ABL1: variants seen among roughly 807,000 people sequenced by gnomAD.
ABL1 encodes tyrosine-protein kinase ABL1.
Under a neutral mutation model 94.7 loss-of-function variants are expected in ABL1, and 11 were observed. The ratio of observed to expected loss-of-function variants is 0.12; its 90% CI spans 0.07 to 0.19. ABL1 has a LOEUF of 0.19. Among genes scored for constraint, ABL1 ranks in the 10% least tolerant of loss-of-function variants. The pLI is 1.00. For missense variants in ABL1, 1,082 were observed against 1,489.4 expected (o/e 0.73, Z 4.50); for synonymous variants, 656 against 622.4 (o/e 1.05, Z -0.80).
intron 1 of ABL1, among the ~76,000 whole-genome samples, chr9:130,765,212 G>A (rs1280328235): frequency 6.6e-6 from 1 of 152,072 alleles, no homozygotes; most frequent in Non-Finnish European, 1.5e-5. Flanking sequence ...GCTATTTTTG[G>A]GCGAGGAGGT....
intron 3 of ABL1, among the ~76,000 whole-genome samples, chr9:130,857,365 C>T (rs10901294): frequency 0.084 from 12,779 of 152,256 alleles, 692 homozygotes; most frequent in African/African-American, 0.14. Flanking sequence ...GTAAAAACAC[C>T]TTTGTCACTC....
chr9:130,760,369 T>C (rs1832095445), intron 1 of ABL1, among the ~76,000 whole-genome samples: 1 of 152,132 alleles, frequency 6.6e-6, no homozygotes. Context: ...GAAGCTACTG[T>C]CCCCCTGATC....
chr9:130,724,013 T>A (rs1831547477), intron 1 of ABL1, among the ~76,000 whole-genome samples: 1 of 152,120 alleles, frequency 6.6e-6, no homozygotes, highest in Non-Finnish European at 1.5e-5. Flanking sequence ...GGTTTCACCA[T>A]CTTAGCCAGT....
intron 1 of ABL1, among the ~76,000 whole-genome samples, chr9:130,740,850 A>G (rs1831807969): frequency 7.2e-6 from 1 of 138,694 alleles, no homozygotes; most frequent in Non-Finnish European, 1.5e-5. Flanking sequence ...TTTGTAGAGA[A>G]GGGTCTCACT....
In ABL1 at chr9:130,885,873, C is replaced by A; in HGVS notation, c.*190C>A. The A allele has an allele frequency of 1.4e-6, 1 of 697,688 alleles. No homozygotes were observed. Among genetic ancestry groups the A allele is most frequent in the Non-Finnish European group, 2.3e-6 (1 of 432,996 alleles). 43.2% of individuals were successfully genotyped at this position (697,688 alleles called of 1,614,324 possible). On this transcript the variant is annotated 3_prime_UTR_variant, in exon 11 of 11. Transcript: ENST00000318560. ...CCTACGTTTGCACCGCCTGCCCTCC[C>A]GCACCTTCCTCCTCCCCGCTCCGTC...
intron 1 of ABL1, among the ~76,000 whole-genome samples, chr9:130,843,889 G>GC (rs1830717168): frequency 6.6e-6 from 1 of 152,112 alleles, no homozygotes; most frequent in Non-Finnish European, 1.5e-5. Flanking sequence ...GAAGAGCCTG[G>GC]CATGCCTGCT....
At chr9:130,852,884 A>G (rs955659952) in intron 1 of ABL1, among the ~76,000 whole-genome samples, 7 of 152,210 alleles carry the variant, frequency 4.6e-5, no homozygotes, top group Non-Finnish European at 8.8e-5. Flanking sequence ...AATTTACAGA[A>G]GAACATATTT....
rs71389347 is a variant in ABL1, at chr9:130,753,422, CTTTTTTTT to C, written c.136+38981_136+38988del. On this transcript the variant is annotated intron_variant, in intron 1 of 10. Coordinates refer to the ABL1 transcript ENST00000372348. ...CTCATCTCTTCTTTTTTTTTCTTTTCTTTTTTTTTTTTTTTTTTTTTGAGATGGAGTCT... is the reference window on the plus strand; with the variant it reads ...CTCATCTCTTCTTTTTTTTTCTTTTCTTTTTTTTTTTTTGAGATGGAGTCT... Among the ~76,000 whole-genome samples, 372 of 90,346 alleles carry C rather than the reference CTTTTTTTT, an allele frequency of 4.1e-3. 7 individuals are homozygous for C. The highest frequency in any genetic ancestry group is 0.035 in the East Asian group (87 of 2,452). 59.3% of individuals were successfully genotyped at this position (90,346 alleles called of 152,430 possible). A position where few individuals can be genotyped will look rare whatever the true frequency, so the allele number is the denominator to read the frequency against.
intron 4 of ABL1, among the ~76,000 whole-genome samples, chr9:130,866,122 C>T (rs1407117055): frequency 6.6e-6 from 1 of 152,118 alleles, no homozygotes. Flanking sequence ...CCAAGCCTTT[C>T]AGTTAAGGGA....
At chr9:130,852,339 A>G (rs1430734303) in intron 1 of ABL1, among the ~76,000 whole-genome samples, 1 of 152,032 alleles carries the variant, frequency 6.6e-6, no homozygotes, top group Non-Finnish European at 1.5e-5. Flanking sequence ...AGTAGCTGGA[A>G]CTACAGGCGC....
In ABL1 at chr9:130,884,984, C is replaced by G; in HGVS notation, c.2694C>G (p.Ala898=). The G allele has an allele frequency of 6.2e-7, 1 of 1,610,978 alleles. No homozygotes were observed. The highest frequency in any genetic ancestry group is 8.5e-7 in the Non-Finnish European group (1 of 1,179,308). The part of the protein sequence containing the change: ...DKGKLSRLKP[A]PPPPPAASAG... Reference sequence around the variant, plus strand: ...GGAAATTGTCCAGGCTCAAACCTGCCCCGCCGCCCCCACCAGCAGCCTCTG... The same window carrying G: ...GGAAATTGTCCAGGCTCAAACCTGCGCCGCCGCCCCCACCAGCAGCCTCTG... Residue 898 remains alanine, a synonymous_variant, in exon 11 of 11, where the codon GCC becomes GCG. Coordinates refer to ENST00000318560, the MANE Select transcript of ABL1 (RefSeq NM_005157.6). This position sits in a 1 kb window ranked among gnomAD's most constrained non-coding sequence, Gnocchi z 5.6.
At position 130,878,060 on chromosome 9, in the gene ABL1, G is replaced by A. The variant is rs187822215; in HGVS notation, c.1271-355G>A. On this transcript the variant is annotated intron_variant, in intron 7 of 10. Transcript: ENST00000318560. Reference sequence around the variant, plus strand: ...AATCTCCTGACCTCGTGATCCGCCCGCCTCGGCCTCCCAAAGTGCTGGGAT... The same window carrying A: ...AATCTCCTGACCTCGTGATCCGCCCACCTCGGCCTCCCAAAGTGCTGGGAT... 1.3e-3 allele frequency among the ~76,000 whole-genome samples: 203 copies of A among 152,198 alleles called. 4 individuals are homozygous for A. In the East Asian group the frequency reaches 0.025, roughly 19 times the overall value.
intron 1 of ABL1, among the ~76,000 whole-genome samples, chr9:130,747,883 C>T (rs1025613203): frequency 6.6e-6 from 1 of 152,152 alleles, no homozygotes; most frequent in Non-Finnish European, 1.5e-5. Context: ...TTTGGAGGCC[C>T]ATTTTTTAGC....
intron 1 of ABL1, among the ~76,000 whole-genome samples, chr9:130,744,323 A>C (rs1831856894): frequency 1.3e-5 from 2 of 151,310 alleles, no homozygotes; most frequent in South Asian, 4.2e-4. Context: ...TTGTATTTTT[A>C]GTAGAGATGG....
intron 1 of ABL1, among the ~76,000 whole-genome samples, chr9:130,804,037 A>G (rs1322351193): frequency 1.3e-5 from 2 of 151,796 alleles, no homozygotes; most frequent in Non-Finnish European, 2.9e-5. Flanking sequence ...CTTCAGCCCA[A>G]GAGACTGAGT....
chr9:130,881,165 G>T (rs1194313389), intron 10 of ABL1, among the ~76,000 whole-genome samples: 2 of 152,180 alleles, frequency 1.3e-5, no homozygotes, highest in African/African-American at 4.8e-5. Context: ...CAAGGGAGTT[G>T]GGATCAGCTC....
At chr9:130,851,483 A>G (rs1830862400) in intron 1 of ABL1, among the ~76,000 whole-genome samples, 1 of 152,146 alleles carries the variant, frequency 6.6e-6, no homozygotes, top group Non-Finnish European at 1.5e-5. Context: ...GTTTATCCCA[A>G]AGAGATGTTT....
At chr9:130,790,832 C>T (rs1301748605) in intron 1 of ABL1, among the ~76,000 whole-genome samples, 1 of 152,000 alleles carries the variant, frequency 6.6e-6, no homozygotes, top group East Asian at 1.9e-4. Flanking sequence ...TGAATGTGGG[C>T]ATGGATTCAA....
chr9:130,760,787 C>T (rs192656118), intron 1 of ABL1, among the ~76,000 whole-genome samples: 62 of 151,308 alleles, frequency 4.1e-4, no homozygotes, highest in African/African-American at 1.4e-3. Flanking sequence ...CTCAGCCTCC[C>T]GAGTAGCTGG....
Sources: allele counts gnomAD v4.1 joint callset (sites outside exome capture counted in the v4.1 genomes callset), GRCh38; gene constraint gnomAD v4.1.1; non-coding constraint Gnocchi (gnomAD v3.1); transcripts MANE v1.5; gene names NCBI Gene and HGNC (gene_info 2026-07-23, HGNC 2026-07-21).